DSCAM: variants seen among roughly 807,000 people sequenced by gnomAD.
DSCAM encodes the protein DS cell adhesion molecule.
In DSCAM, 47 loss-of-function variants were observed where a neutral mutation model predicts 217.7. The observed-to-expected ratio is 0.22, with a 90% CI of 0.17 to 0.28. The LOEUF (loss-of-function observed/expected upper bound fraction) is 0.28. Ranked by LOEUF, DSCAM falls within the 10% of genes least tolerant of loss-of-function variation. DSCAM has a pLI of 1.00. For missense variants in DSCAM, 2,080 were observed against 2,618.3 expected, an observed-to-expected ratio of 0.79 and a Z score of 4.49; for synonymous variants, 1,056 against 1,015.3, an observed-to-expected ratio of 1.04 and a Z score of -0.76.
chr21:40,076,006 A>G (rs2089360599), intron 26 of DSCAM, among the ~76,000 whole-genome samples: 1 of 152,164 alleles, frequency 6.6e-6, no homozygotes. Flanking sequence ...ACCCTCCATT[A>G]TATAAGATGC....
At chr21:40,806,310 T>A (rs1476307734) in intron 1 of DSCAM, among the ~76,000 whole-genome samples, 1 of 151,804 alleles carries the variant, frequency 6.6e-6, no homozygotes, top group African/African-American at 2.4e-5. Flanking sequence ...AAGTGGGGAG[T>A]CAGATCTGTG....
At chr21:40,695,976 T>C (rs976417221) in intron 2 of DSCAM, among the ~76,000 whole-genome samples, 1 of 152,102 alleles carries the variant, frequency 6.6e-6, no homozygotes, top group African/African-American at 2.4e-5. Flanking sequence ...CCTGAGCCCA[T>C]AGTCAGCCCC....
intron 3 of DSCAM, among the ~76,000 whole-genome samples, chr21:40,574,006 AAC>A (rs2076829318): frequency 6.6e-6 from 1 of 152,094 alleles, no homozygotes; most frequent in Non-Finnish European, 1.5e-5. Flanking sequence ...CATAAAATAA[AAC>A]AAAAACATAA....
intron 16 of DSCAM, among the ~76,000 whole-genome samples, chr21:40,160,047 C>T (rs2837467): frequency 0.48 from 72,951 of 152,022 alleles, 19,342 homozygotes; most frequent in African/African-American, 0.72. Flanking sequence ...GGATCCAAAT[C>T]GGGGTTGTTA....
intron 1 of DSCAM, among the ~76,000 whole-genome samples, chr21:40,768,745 T>C (rs2091418414): frequency 6.6e-6 from 1 of 152,178 alleles, no homozygotes; most frequent in Non-Finnish European, 1.5e-5. Context: ...AAAAGCAGGC[T>C]TCCCAAAGCT....
chr21:40,843,893 T>C (rs1437308200), intron 1 of DSCAM, among the ~76,000 whole-genome samples: 1 of 151,772 alleles, frequency 6.6e-6, no homozygotes, highest in African/African-American at 2.4e-5. Context: ...AAGAAAAATA[T>C]TGTTGTCTAC....
chr21:40,366,267 A>C (rs981078735), intron 4 of DSCAM, among the ~76,000 whole-genome samples: 35 of 152,048 alleles, frequency 2.3e-4, no homozygotes, highest in South Asian at 4.1e-4. Flanking sequence ...TTTCTTTTTA[A>C]GAGAATTTAG....
intron 4 of DSCAM, among the ~76,000 whole-genome samples, chr21:40,355,308 G>A (rs558407007): frequency 2.6e-4 from 40 of 152,284 alleles, no homozygotes; most frequent in African/African-American, 8.7e-4. Context: ...AGCATGTGGC[G>A]TAGCAAGACA....
At chr21:40,118,543 C>T (rs942764588) in intron 20 of DSCAM, among the ~76,000 whole-genome samples, 11 of 152,094 alleles carry the variant, frequency 7.2e-5, no homozygotes, top group African/African-American at 1.7e-4. Flanking sequence ...GCCGAGATTG[C>T]GCCACTGCAC....
At chr21:40,258,605 G>T (rs751044249) in intron 11 of DSCAM, among the ~76,000 whole-genome samples, 4 of 152,166 alleles carry the variant, frequency 2.6e-5, no homozygotes, top group African/African-American at 4.8e-5. Flanking sequence ...TCTGCTAGCC[G>T]CAATGAAGAA....
chr21:40,547,496 T>C (rs2837696), intron 3 of DSCAM, among the ~76,000 whole-genome samples: 11,539 of 152,280 alleles, frequency 0.076, 481 homozygotes, highest in South Asian at 0.11. Flanking sequence ...AAAACCTTAA[T>C]GCACTGTTTG....
At chr21:40,683,359 C>T (rs1204420689) in intron 3 of DSCAM, among the ~76,000 whole-genome samples, 1 of 151,670 alleles carries the variant, frequency 6.6e-6, no homozygotes, top group Non-Finnish European at 1.5e-5. Flanking sequence ...AAAATACTCA[C>T]TACTATAAAC....
intron 11 of DSCAM, among the ~76,000 whole-genome samples, chr21:40,199,671 C>T (rs1373721836): frequency 6.6e-6 from 1 of 152,092 alleles, no homozygotes; most frequent in Non-Finnish European, 1.5e-5. Flanking sequence ...TTGTTCCTGA[C>T]TTTTTAATAA....
intron 1 of DSCAM, among the ~76,000 whole-genome samples, chr21:40,783,881 G>C (rs1252207889): frequency 2.0e-5 from 3 of 152,034 alleles, no homozygotes; most frequent in Non-Finnish European, 4.4e-5. Context: ...CTAAAAAATC[G>C]CATTCTTCTC....
intron 3 of DSCAM, among the ~76,000 whole-genome samples, chr21:40,506,254 CT>C (rs1274546479): frequency 6.6e-6 from 1 of 152,176 alleles, no homozygotes; most frequent in African/African-American, 2.4e-5. Flanking sequence ...CTCATCCCAC[CT>C]GATTTTGAGA....
At chr21:40,237,783 T>C (rs1331135024) in intron 11 of DSCAM, among the ~76,000 whole-genome samples, 1 of 152,202 alleles carries the variant, frequency 6.6e-6, no homozygotes, top group Non-Finnish European at 1.5e-5. Flanking sequence ...CCTTGAGGAA[T>C]AGCCACACTG....
At chr21:40,697,589 T>C (rs2146459515) in intron 2 of DSCAM, among the ~76,000 whole-genome samples, 1 of 152,352 alleles carries the variant, frequency 6.6e-6, no homozygotes, top group South Asian at 2.1e-4. Flanking sequence ...TTTAAAGAGC[T>C]TGCCCTTTCC....
intron 3 of DSCAM, among the ~76,000 whole-genome samples, chr21:40,415,289 A>G (rs2075360268): frequency 1.3e-5 from 2 of 152,254 alleles, no homozygotes; most frequent in South Asian, 4.1e-4. Context: ...AGGACAAAAT[A>G]GCAGTGCAAC....
At chr21:40,244,632 G>A (rs866246438) in intron 11 of DSCAM, among the ~76,000 whole-genome samples, 1 of 152,086 alleles carries the variant, frequency 6.6e-6, no homozygotes, top group Admixed American at 6.5e-5. Context: ...AAGGTGTTCT[G>A]GACCAAAGCT....
Sources: gnomAD v4.1 joint callset for allele counts (sites outside exome capture counted in the v4.1 genomes callset) on GRCh38, gnomAD v4.1.1 for gene constraint, MANE v1.5 for transcripts, NCBI Gene and HGNC (gene_info 2026-07-23, HGNC 2026-07-21) for gene names.